Variants in CDKAL1 observed in about 807,000 individuals in gnomAD.
The protein encoded by CDKAL1 is CDKAL1 threonylcarbamoyladenosine tRNA methylthiotransferase, also known as threonylcarbamoyladenosine tRNA methylthiotransferase.
A neutral mutation model predicts 68.2 loss-of-function variants in CDKAL1; 32 were observed. That is an observed-to-expected ratio of 0.47 (90% CI 0.35 to 0.63). The LOEUF is 0.63. Among genes scored for constraint, CDKAL1 ranks in the 30% least tolerant of loss-of-function variants. The probability of loss-of-function intolerance (pLI) is 0.00; values close to 1 mark genes in which losing one functional copy is unlikely to be tolerated. For synonymous variants in CDKAL1, 234 were observed against 244.3 expected (o/e 0.96, Z 0.39); for missense variants, 606 against 696.7 (o/e 0.87, Z 1.47).
intron 4 of CDKAL1, among the ~76,000 whole-genome samples, chr6:20,564,539 C>G (rs1482114071): frequency 6.6e-6 from 1 of 152,066 alleles, no homozygotes; most frequent in Admixed American, 6.5e-5. Flanking sequence ...TTTACTAGGA[C>G]CAGGTTTCAT....
At chr6:21,033,651 TG>T (rs1003652881) in intron 11 of CDKAL1, among the ~76,000 whole-genome samples, 2 of 152,280 alleles carry the variant, frequency 1.3e-5, no homozygotes, top group African/African-American at 4.8e-5. Flanking sequence ...GTCATGTTCT[TG>T]GAATGCCTTC....
intron 12 of CDKAL1, among the ~76,000 whole-genome samples, chr6:21,073,076 A>G (rs144380410): frequency 5.3e-5 from 8 of 152,226 alleles, no homozygotes; most frequent in African/African-American, 1.9e-4. Context: ...GGAAACATGG[A>G]GTGTGTAGAC....
chr6:20,596,474 C>T (rs914351863), intron 4 of CDKAL1, among the ~76,000 whole-genome samples: 4 of 152,178 alleles, frequency 2.6e-5, no homozygotes, highest in Admixed American at 6.5e-5. Flanking sequence ...AGGGGAAAAC[C>T]GCCTACTCAA....
chr6:20,904,064 G>A (rs746569424), intron 9 of CDKAL1, among the ~76,000 whole-genome samples: 47 of 152,282 alleles, frequency 3.1e-4, no homozygotes, highest in African/African-American at 8.9e-4. Flanking sequence ...AAGCTTGCAG[G>A]CAGCTTGCAC....
At chr6:20,744,952 C>T (rs1386284854) in intron 6 of CDKAL1, among the ~76,000 whole-genome samples, 1 of 152,178 alleles carries the variant, frequency 6.6e-6, no homozygotes, top group Admixed American at 6.5e-5. Flanking sequence ...AATTAATAGA[C>T]ACGTTGTAAA....
At position 20,822,280 on chromosome 6, in the gene CDKAL1, G is replaced by A. The variant is rs1777318211; in HGVS notation, c.639-23795G>A. ...GATGAAAGCAAATATTGAACAACAGGAAAGTAGTTGGTTATGAATTAATAT... is the reference window on the plus strand; with the variant it reads ...GATGAAAGCAAATATTGAACAACAGAAAAGTAGTTGGTTATGAATTAATAT... On this transcript the variant is annotated intron_variant, in intron 8 of 15. Coordinates refer to ENST00000274695, the MANE Select transcript of CDKAL1 (RefSeq NM_017774.3). Among the ~76,000 whole-genome samples, 4 of 152,104 alleles carry A rather than the reference G, an allele frequency of 2.6e-5. No homozygotes were observed. In the South Asian group the frequency reaches 8.3e-4, roughly 31 times the overall value.
At chr6:20,909,862 G>A (rs902255133) in intron 9 of CDKAL1, among the ~76,000 whole-genome samples, 1 of 152,092 alleles carries the variant, frequency 6.6e-6, no homozygotes. Context: ...TGGTCATAGT[G>A]TACTATGAGT....
chr6:20,756,870 T>TCTTC (rs1281270220), intron 6 of CDKAL1: 1 of 53,092 alleles, frequency 1.9e-5, no homozygotes, highest in African/African-American at 7.6e-5. Context: ...CTTCCTTCCT[T>TCTTC]CCTTCCTTCC....
Position 20,939,136 on chromosome 6 carries a change from T to C in CDKAL1, c.743-16283T>C, listed in dbSNP as rs1472998303. ...TGAACAAAACAGAGAATTGCAGTCT[T>C]ATTGTAGCTTTCGTTCTATTTGGGG... On this transcript the variant is annotated intron_variant, in intron 9 of 15. Coordinates refer to ENST00000274695, the MANE Select transcript of CDKAL1 (RefSeq NM_017774.3). 3.3e-5 allele frequency among the ~76,000 whole-genome samples: 5 copies of C among 152,162 alleles called. No individual in the cohort carries two copies. The East Asian group carries it at 9.6e-4, about 29-fold the overall frequency.
At chr6:20,836,374 G>GT (rs1343267182) in intron 8 of CDKAL1, among the ~76,000 whole-genome samples, 4 of 152,116 alleles carry the variant, frequency 2.6e-5, no homozygotes, top group African/African-American at 9.7e-5. Context: ...AAAATTCAGC[G>GT]TAAGTTGCAG....
intron 13 of CDKAL1, among the ~76,000 whole-genome samples, chr6:21,184,163 AAAATATTTTACCCCG>A (rs1408003270): frequency 2.0e-5 from 3 of 151,604 alleles, no homozygotes; most frequent in African/African-American, 7.3e-5. Flanking sequence ...TAAAAAAATG[AAAATATTTTACCCCG>A]AAATACATTT....
At chr6:21,141,762 T>C (rs1241636270) in intron 13 of CDKAL1, among the ~76,000 whole-genome samples, 1 of 152,164 alleles carries the variant, frequency 6.6e-6, no homozygotes, top group Non-Finnish European at 1.5e-5. Context: ...TCAGTAGCCC[T>C]TAAGACTGTG....
chr6:20,665,767 C>G lies in CDKAL1; in HGVS notation c.371+16390C>G, dbSNP rs148036205. On this transcript the variant is annotated intron_variant, in intron 5 of 15. Transcript: ENST00000274695. ...GAATGAAACAATTTTATTCCAGGAG[C>G]TACTATATGTAAAATGGAGATAGGT... Among the ~76,000 whole-genome samples, 279 of 151,708 alleles carry G rather than the reference C, an allele frequency of 1.8e-3. 3 individuals are homozygous for G. Among genetic ancestry groups the G allele is most frequent in the African/African-American group, 6.6e-3 (271 of 41,346 alleles).
At chr6:21,019,180 C>G (rs914959575) in intron 11 of CDKAL1, among the ~76,000 whole-genome samples, 3 of 152,146 alleles carry the variant, frequency 2.0e-5, no homozygotes, top group African/African-American at 4.8e-5. Context: ...AACTCCTGAC[C>G]TCAAGTAATC....
intron 13 of CDKAL1, among the ~76,000 whole-genome samples, chr6:21,115,199 A>G (rs1012597394): frequency 3.9e-5 from 6 of 152,248 alleles, no homozygotes; most frequent in African/African-American, 1.4e-4. Context: ...TAAGATTACA[A>G]AAGTCACTTC....
intron 4 of CDKAL1, among the ~76,000 whole-genome samples, chr6:20,640,943 G>A (rs1364239423): frequency 6.6e-6 from 1 of 152,068 alleles, no homozygotes; most frequent in Admixed American, 6.6e-5. Flanking sequence ...TATATAATAG[G>A]TACTCAATAA....
intron 5 of CDKAL1, among the ~76,000 whole-genome samples, chr6:20,731,482 G>C (rs1772923019): frequency 6.6e-6 from 1 of 152,160 alleles, no homozygotes; most frequent in African/African-American, 2.4e-5. Flanking sequence ...GTAATTCTAA[G>C]AGTTATGGGA....
chr6:21,157,004 T>C (rs1290361976), intron 13 of CDKAL1, among the ~76,000 whole-genome samples: 1 of 152,222 alleles, frequency 6.6e-6, no homozygotes, highest in African/African-American at 2.4e-5. Flanking sequence ...GTTTATTGAT[T>C]TCTTTTTCTG....
chr6:20,718,512 T>C (rs1256620050), intron 5 of CDKAL1, among the ~76,000 whole-genome samples: 1 of 152,158 alleles, frequency 6.6e-6, no homozygotes, highest in African/African-American at 2.4e-5. Context: ...ATATATGGAG[T>C]TCAAATTTGC....
Sources: gnomAD v4.1 joint callset for allele counts (sites outside exome capture counted in the v4.1 genomes callset) on GRCh38, gnomAD v4.1.1 for gene constraint, MANE v1.5 for transcripts, NCBI Gene and HGNC (gene_info 2026-07-23, HGNC 2026-07-21) for gene names.